The following DRC8 variants were observed in gnomAD, a reference collection of about 807,000 sequenced individuals.
The protein encoded by DRC8 is dynein regulatory complex protein 8.
chr1:244,988,205 T>C, the DRC8 span, among the ~76,000 whole-genome samples: 116 of 152,226 alleles, frequency 7.6e-4, no homozygotes, highest in African/African-American at 2.7e-3. Context: ...TTAAATGAGA[T>C]CGGGTCCCAC....
At chr1:244,993,154 T>A in the DRC8 span, among the ~76,000 whole-genome samples, 1 of 152,264 alleles carries the variant, frequency 6.6e-6, no homozygotes, top group Non-Finnish European at 1.5e-5. Context: ...ACATTACTTT[T>A]GCTCTATTCT....
the DRC8 span, among the ~76,000 whole-genome samples, chr1:245,008,362 T>C: frequency 6.6e-6 from 1 of 152,182 alleles, no homozygotes; most frequent in Non-Finnish European, 1.5e-5. Context: ...AAACAGAGCA[T>C]TAGGAAATTT....
At chr1:244,990,150 G>A in the DRC8 span, among the ~76,000 whole-genome samples, 6 of 152,216 alleles carry the variant, frequency 3.9e-5, no homozygotes, top group Non-Finnish European at 7.3e-5. Flanking sequence ...GCCTGACACT[G>A]CATCATGGTG....
chr1:245,005,021 T>G, the DRC8 span, among the ~76,000 whole-genome samples: 1 of 152,350 alleles, frequency 6.6e-6, no homozygotes, highest in South Asian at 2.1e-4. Context: ...ACTTGTTCTG[T>G]GTCTATTGAG....
At chr1:245,075,555 C>G in the DRC8 span, 1 of 152,232 alleles carries the variant, frequency 6.6e-6, no homozygotes, top group South Asian at 2.1e-4. Flanking sequence ...GTCACCTACT[C>G]CACCTTAATT....
the DRC8 span, among the ~76,000 whole-genome samples, chr1:245,075,987 A>C: frequency 6.6e-6 from 1 of 152,184 alleles, no homozygotes; most frequent in Non-Finnish European, 1.5e-5. Flanking sequence ...CCCTCTAGAC[A>C]TGGGGCGAGG....
At chr1:245,053,937 G>A in the DRC8 span, among the ~76,000 whole-genome samples, 3 of 152,226 alleles carry the variant, frequency 2.0e-5, no homozygotes, top group East Asian at 1.9e-4. Context: ...AACACTGAGC[G>A]CTAAGTGCCT....
At chr1:245,111,233 G>A in the DRC8 span, among the ~76,000 whole-genome samples, 1 of 152,170 alleles carries the variant, frequency 6.6e-6, no homozygotes, top group African/African-American at 2.4e-5. Flanking sequence ...TCTTCACCCA[G>A]GTCTGCACTC....
chr1:245,070,197 C>A, the DRC8 span, among the ~76,000 whole-genome samples: 1 of 152,096 alleles, frequency 6.6e-6, no homozygotes, highest in Non-Finnish European at 1.5e-5. Flanking sequence ...AGAGGGACAC[C>A]TATACTAATA....
chr1:245,048,735 A>C, the DRC8 span, among the ~76,000 whole-genome samples: 1 of 152,002 alleles, frequency 6.6e-6, no homozygotes, highest in African/African-American at 2.4e-5. Context: ...TATTATTGTT[A>C]TTTTCATCAT....
At chr1:245,118,835 G>GAAAAA in the DRC8 span, among the ~76,000 whole-genome samples, 3 of 128,734 alleles carry the variant, frequency 2.3e-5, no homozygotes, top group Non-Finnish European at 5.0e-5. Context: ...GAAAAGAAAA[G>GAAAAA]AAAAAAATAA....
the DRC8 span, among the ~76,000 whole-genome samples, chr1:245,104,099 A>G: frequency 3.9e-5 from 6 of 152,324 alleles, no homozygotes; most frequent in Admixed American, 3.9e-4. Flanking sequence ...GAGCCTGTGG[A>G]TGGAGCACAA....
chr1:244,995,629 A>G, the DRC8 span, among the ~76,000 whole-genome samples: 8 of 152,144 alleles, frequency 5.3e-5, no homozygotes, highest in Non-Finnish European at 1.2e-4. Context: ...GATGACAGGC[A>G]TGAGACACCG....
chr1:245,076,173 C>T, the DRC8 span, among the ~76,000 whole-genome samples: 1 of 152,138 alleles, frequency 6.6e-6, no homozygotes, highest in African/African-American at 2.4e-5. Context: ...TCAGCACCAG[C>T]GATTGAGTCT....
chr1:245,083,310 C>T, the DRC8 span: 2 of 781,572 alleles, frequency 2.6e-6, no homozygotes, highest in Non-Finnish European at 4.4e-6. Flanking sequence ...TCCCTCCCCT[C>T]CCCTGGTCTG....
chr1:245,025,046 A>AT, the DRC8 span, among the ~76,000 whole-genome samples: 95 of 147,722 alleles, frequency 6.4e-4, no homozygotes, highest in East Asian at 4.3e-3. Context: ...TGGCATGCAG[A>AT]TTTTTTTTTT....
At chr1:245,084,070 C>CCG in the DRC8 span, among the ~76,000 whole-genome samples, 10 of 119,176 alleles carry the variant, frequency 8.4e-5, 1 homozygote, top group East Asian at 8.7e-4. Context: ...CCGCCCCCCC[C>CCG]CCGGCGCCCC....
At chr1:245,002,693 G>A in the DRC8 span, among the ~76,000 whole-genome samples, 124,803 of 151,452 alleles carry the variant, frequency 0.82, 51,487 homozygotes, top group East Asian at 1. Flanking sequence ...TAATTTTTGT[G>A]TTTTTTTGTA....
the DRC8 span, chr1:245,121,883 CTTTTCTT>C: frequency 2.4e-5 from 10 of 421,910 alleles, no homozygotes; most frequent in Admixed American, 8.3e-5. Context: ...AATTATTTTT[CTTTTCTT>C]TTTTCTTATT....
Sources: gnomAD v4.1 joint callset for allele counts (sites outside exome capture counted in the v4.1 genomes callset) on GRCh38, gnomAD v4.1.1 for gene constraint, MANE v1.5 for transcripts, NCBI Gene and HGNC (gene_info 2026-07-23, HGNC 2026-07-21) for gene names.